Variants in AHNAK observed in about 807,000 individuals in gnomAD.
AHNAK encodes the protein neuroblast differentiation-associated protein AHNAK.
In AHNAK, 23 loss-of-function variants were observed where a neutral mutation model predicts 37.8. The observed-to-expected ratio is 0.61, with a 90% CI of 0.44 to 0.86. The LOEUF (loss-of-function observed/expected upper bound fraction) is 0.86, where lower values mean the gene tolerates loss of function less well. Ranked by LOEUF, AHNAK falls within the 40% of genes least tolerant of loss-of-function variation. The pLI is 0.00. For missense variants in AHNAK, 7,411 were observed against 7,319.4 expected (o/e 1.01, Z -0.46); for synonymous variants, 2,481 against 2,636.3 (o/e 0.94, Z 1.80).
At chr11:62,461,639 G>A (rs1390824930) in intron 5 of AHNAK, among the ~76,000 whole-genome samples, 3 of 151,998 alleles carry the variant, frequency 2.0e-5, no homozygotes, top group African/African-American at 7.2e-5. Flanking sequence ...AGCCTGGCCA[G>A]CATACTGAAA....
chr11:62,480,331 T>C (rs1395106698), intron 5 of AHNAK, among the ~76,000 whole-genome samples: 1 of 152,116 alleles, frequency 6.6e-6, no homozygotes, highest in Non-Finnish European at 1.5e-5. Flanking sequence ...GTACATCCAT[T>C]CAGAGGCTAA....
At chr11:62,545,108 G>C (rs1236431749) in intron 1 of AHNAK, among the ~76,000 whole-genome samples, 1 of 152,184 alleles carries the variant, frequency 6.6e-6, no homozygotes, top group East Asian at 1.9e-4. Flanking sequence ...ACTGACTTGG[G>C]AGGCTCCCAC....
In AHNAK at chr11:62,522,076, C is replaced by A. The variant is rs1940269777; in HGVS notation, c.12341G>T (p.Gly4114Val). The change falls in exon 5 of 5, where the codon GGC (glycine) becomes GTC (valine). Residue 4114 changes from glycine to valine, a missense_variant. Gly to Val is a moderately radical substitution (Grantham distance 109). Coordinates refer to ENST00000378024, the MANE Select transcript of AHNAK (RefSeq NM_001620.3). ...CAGGTCAGGCATTTTAAATTTGGGG[C>A]CCTTCAGTTTCCCTTCTGGACCATG... ...DIHGPEGKLK[G>V]PKFKMPDLHL... The A allele has an allele frequency of 2.5e-6, 4 of 1,613,832 alleles. No individual in the cohort carries two copies. The African/African-American group carries it at 4.0e-5, about 16-fold the overall frequency.
intron 5 of AHNAK, among the ~76,000 whole-genome samples, chr11:62,483,585 G>A (rs1455375749): frequency 4.6e-5 from 7 of 151,724 alleles, no homozygotes; most frequent in African/African-American, 1.2e-4. Context: ...ACAGCCAGGC[G>A]CGGTGGCTCA....
intron 5 of AHNAK, among the ~76,000 whole-genome samples, chr11:62,446,499 C>A (rs1024728702): frequency 6.6e-6 from 1 of 152,190 alleles, no homozygotes; most frequent in South Asian, 2.1e-4. Flanking sequence ...CAGGGCACAA[C>A]CACGCAGATG....
chr11:62,514,981 A>G (rs1448409328), downstream of AHNAK, among the ~76,000 whole-genome samples: 1 of 152,124 alleles, frequency 6.6e-6, no homozygotes, highest in Non-Finnish European at 1.5e-5. Flanking sequence ...AGCTGCCTCC[A>G]CTGGCAGAAA....
At position 62,516,012 on chromosome 11, in the gene AHNAK, T is replaced by C. The variant is rs578179028; in HGVS notation, c.*732A>G. On this transcript the variant is annotated 3_prime_UTR_variant, in exon 5 of 5. Coordinates refer to ENST00000378024, the MANE Select transcript of AHNAK (RefSeq NM_001620.3). ...TTTTCTTAATCATGATAACATTTGT[T>C]AAAAAGAAATCAGAACTAATATCAG... The C allele has an allele frequency of 2.6e-6, 3 of 1,172,698 alleles. No individual in the cohort carries two copies. The highest frequency in any genetic ancestry group is 3.2e-6 in the Non-Finnish European group (3 of 932,282). The allele number at this position is 1,172,698 out of a possible 1,614,324, so 72.6% of individuals were successfully genotyped here. A position where few individuals can be genotyped will look rare whatever the true frequency, so the allele number is the denominator to read the frequency against.
chr11:62,469,185 G>C (rs759398414), intron 5 of AHNAK, among the ~76,000 whole-genome samples: 65 of 151,362 alleles, frequency 4.3e-4, no homozygotes, highest in Non-Finnish European at 7.5e-4. Flanking sequence ...GCAGTGGTGT[G>C]GTCTTGGCTT....
Position 62,450,994 on chromosome 11 carries a change from G to A in AHNAK, c.443-17103C>T, listed in dbSNP as rs955184368. ...GCCAAGGCGGGAGGAGAAGAGATGA[G>A]ACGGAGACCCATCTTTGGTACATGG... On this transcript the variant is annotated intron_variant, in intron 5 of 5. Transcript: ENST00000257247. Among the ~76,000 whole-genome samples the A allele has an allele frequency of 2.8e-5, 4 of 141,198 alleles. 1 individual carries two copies. Among genetic ancestry groups the A allele is most frequent in the African/African-American group, 4.9e-5 (2 of 40,414 alleles). The allele number at this position is 141,198 out of a possible 152,430, so 92.6% of individuals were successfully genotyped here. A position where few individuals can be genotyped will look rare whatever the true frequency, so the allele number is the denominator to read the frequency against.
chr11:62,527,141 C>G lies in AHNAK; in HGVS notation c.7276G>C (p.Asp2426His). 1.2e-6 allele frequency: 2 copies of G among 1,613,552 alleles called. No individual in the cohort carries two copies. The highest frequency in any genetic ancestry group is 1.7e-6 in the Non-Finnish European group (2 of 1,179,748). ...KGPHVDVSGP[D>H]IDIEGPEGKL... ...CCCTCTGGTCCCTCAATGTCAATGT[C>G]TGGCCCACTGACATCCACATGTGGC... Residue 2426 changes from aspartate (D) to histidine (H), a missense_variant, in exon 5 of 5, where the codon GAC becomes CAC. Asp to His is a moderately conservative substitution (Grantham distance 81). Coordinates refer to ENST00000378024, the MANE Select transcript of AHNAK (RefSeq NM_001620.3).
chr11:62,496,154 T>C (rs180862600), intron 4 of AHNAK, among the ~76,000 whole-genome samples: 1 of 152,228 alleles, frequency 6.6e-6, no homozygotes, highest in African/African-American at 2.4e-5. Flanking sequence ...GGAAACGAGT[T>C]CAGTTACTAT....
intron 4 of AHNAK, among the ~76,000 whole-genome samples, chr11:62,508,385 A>G (rs1939846929): frequency 6.6e-6 from 1 of 152,204 alleles, no homozygotes; most frequent in Non-Finnish European, 1.5e-5. Flanking sequence ...TTTGTAAGAT[A>G]GGGTCAGCAA....
chr11:62,437,173 T>C (rs1448652132), intron 5 of AHNAK, among the ~76,000 whole-genome samples: 2 of 152,182 alleles, frequency 1.3e-5, no homozygotes, highest in African/African-American at 4.8e-5. Flanking sequence ...CTGAACCATA[T>C]ATTAATGGAA....
rs755453618 is a variant in AHNAK, at chr11:62,529,989, T to A, written c.4428A>T (p.Val1476=). The change falls in exon 5 of 5, where the codon GTA becomes GTT. Residue 1476 remains valine (V), a synonymous_variant. Transcript: ENST00000378024. ...KGDYDVTVPK[V]EGEIKAPDVD... Reference sequence around the variant, plus strand: ...CATCAGGAGCTTTTATCTCTCCTTCTACTTTTGGAACTGTTACATCATAAT... The same window carrying A: ...CATCAGGAGCTTTTATCTCTCCTTCAACTTTTGGAACTGTTACATCATAAT... The A allele has an allele frequency of 6.2e-6, 10 of 1,614,036 alleles. No individual in the cohort carries two copies. The highest frequency in any genetic ancestry group is 8.5e-6 in the Non-Finnish European group (10 of 1,180,012).
chr11:62,456,174 G>A (rs1478207447), intron 5 of AHNAK, among the ~76,000 whole-genome samples: 1 of 152,140 alleles, frequency 6.6e-6, no homozygotes, highest in East Asian at 1.9e-4. Context: ...AGCTAACCCT[G>A]CAGACACCTT....
intron 4 of AHNAK, among the ~76,000 whole-genome samples, chr11:62,534,376 C>G (rs552065123): frequency 6.6e-6 from 1 of 152,324 alleles, no homozygotes; most frequent in South Asian, 2.1e-4. Flanking sequence ...TCAAATCAGC[C>G]TGTGCCAGGG....
In AHNAK at chr11:62,533,260, A is replaced by G; in HGVS notation, c.1157T>C (p.Leu386Pro). The G allele has an allele frequency of 1.3e-6, 2 of 1,525,848 alleles. No homozygotes were observed. The highest frequency in any genetic ancestry group is 1.8e-6 in the Non-Finnish European group (2 of 1,141,006). 94.5% of individuals were successfully genotyped at this position (1,525,848 alleles called of 1,614,324 possible). Residue 386 changes from leucine to proline, a missense_variant, in exon 5 of 5, where the codon CTG becomes CCG. Leu to Pro is a moderately conservative substitution (Grantham distance 98). Transcript: ENST00000378024. ...TGPSLEGDLG[L>P]KGAKPQGHIG... ...GTGCCCCTGTGGCTTGGCACCTTTCAGGCCTAGGTCACCCTCAAGTGATGG... is the reference window on the plus strand; with the variant it reads ...GTGCCCCTGTGGCTTGGCACCTTTCGGGCCTAGGTCACCCTCAAGTGATGG...
In AHNAK at chr11:62,446,599, G is replaced by A. The variant is rs149245927; in HGVS notation, c.443-12708C>T. ...AAGGTCATGGATTCAATCTCTAAAT[G>A]AGCCCACTGTCACACAAAGGAAAAT... On this transcript the variant is annotated intron_variant, in intron 5 of 5. Transcript: ENST00000257247. Among the ~76,000 whole-genome samples the A allele has an allele frequency of 3.4e-3, 511 of 152,144 alleles. 2 individuals are homozygous for A. The highest frequency in any genetic ancestry group is 0.012 in the African/African-American group (495 of 41,502).
In AHNAK at chr11:62,518,074, G is replaced by A. The variant is rs758968097; in HGVS notation, c.16343C>T (p.Ser5448Leu). Residue 5448 changes from serine (S) to leucine (L), a missense_variant, in exon 5 of 5, where the codon TCA becomes TTA. Ser to Leu is a moderately radical substitution (Grantham distance 145). Coordinates refer to ENST00000378024, the MANE Select transcript of AHNAK (RefSeq NM_001620.3). ...VDVNLKGPRI[S>L]APNVDFNLEG... is the part of the protein sequence containing the mutation. ...CAAGTTAAAGTCCACATTCGGTGCT[G>A]AAATCCGAGGCCCTTTCAGGTTCAC... The A allele has an allele frequency of 3.1e-6, 5 of 1,614,178 alleles. No homozygotes were observed. The highest frequency in any genetic ancestry group is 4.2e-6 in the Non-Finnish European group (5 of 1,180,028).
Sources: allele counts gnomAD v4.1 joint callset (sites outside exome capture counted in the v4.1 genomes callset), GRCh38; gene constraint gnomAD v4.1.1; transcripts MANE v1.5; gene names NCBI Gene and HGNC (gene_info 2026-07-23, HGNC 2026-07-21).